SDR16C5: variants seen among roughly 807,000 people sequenced by gnomAD.
The protein encoded by SDR16C5 is epidermal retinol dehydrogenase 2.
SDR16C5 carries 20 observed loss-of-function variants against 27.7 expected under a neutral mutation model. That is an observed-to-expected ratio of 0.72 (90% CI 0.51 to 1.05). The LOEUF (loss-of-function observed/expected upper bound fraction) is 1.05, where lower values mean the gene tolerates loss of function less well. Among genes scored for constraint, SDR16C5 ranks in the 50% least tolerant of loss-of-function variants. The pLI, the probability that SDR16C5 is intolerant of heterozygous loss-of-function variation, is 0.00. For synonymous variants in SDR16C5, 139 were observed against 132.3 expected, an observed-to-expected ratio of 1.05 and a Z score of -0.35; for missense variants, 374 against 366.3, an observed-to-expected ratio of 1.02 and a Z score of -0.17.
At position 56,306,785 on chromosome 8, in the gene SDR16C5, C is replaced by T. The variant is rs1195672892; in HGVS notation, c.601G>A (p.Ala201Thr). Residue 201 changes from alanine to threonine, a missense_variant, in exon 5 of 7, where the codon GCT (alanine) becomes ACT (threonine). By Grantham distance (58) the Ala-to-Thr change is moderately conservative (BLOSUM62 0). Coordinates refer to ENST00000303749, the MANE Select transcript of SDR16C5 (RefSeq NM_138969.4). The stretch of plus-strand genomic sequence containing the variant: ...AATGTTTCTACAAATACAGATTCAG[C>T]AAACCCAAAGGCTGCAAATTTACTT... ...CASKFAAFGFAESVFVETFVQ... is the reference protein window; with the variant it reads ...CASKFAAFGFTESVFVETFVQ... 2 of 1,613,198 alleles carry T rather than the reference C, an allele frequency of 1.2e-6. No homozygotes were observed. The highest frequency in any genetic ancestry group is 1.7e-5 in the Admixed American group (1 of 59,864).
chr8:56,311,614 G>T (rs1366338934), intron 3 of SDR16C5, among the ~76,000 whole-genome samples: 1 of 152,074 alleles, frequency 6.6e-6, no homozygotes, highest in East Asian at 1.9e-4. Context: ...GGTAGCAGGT[G>T]GTAACCTGGG....
intron 2 of SDR16C5, among the ~76,000 whole-genome samples, chr8:56,312,840 G>C (rs939187249): frequency 6.8e-6 from 1 of 146,690 alleles, no homozygotes. Context: ...GCAGTGGCAC[G>C]ATCTTGGCTC....
At chr8:56,317,034 TA>T (rs375689989) in intron 1 of SDR16C5, among the ~76,000 whole-genome samples, 149 of 152,236 alleles carry the variant, frequency 9.8e-4, no homozygotes, top group Middle Eastern at 6.8e-3. Context: ...TCTGTGTGAT[TA>T]AAGGTCACAG....
intron 1 of SDR16C5, among the ~76,000 whole-genome samples, chr8:56,316,893 AT>A (rs1004076260): frequency 3.3e-5 from 5 of 152,226 alleles, no homozygotes; most frequent in Non-Finnish European, 7.3e-5. Flanking sequence ...GTAAAGTCCT[AT>A]TTGTAGAAAG....
intron 1 of SDR16C5, among the ~76,000 whole-genome samples, chr8:56,317,413 A>G (rs1296141636): frequency 2.0e-5 from 3 of 152,222 alleles, no homozygotes; most frequent in Non-Finnish European, 4.4e-5. Flanking sequence ...GTGCTTTACT[A>G]ACCACTAGCT....
chr8:56,302,594 AC>A (rs1168443602), intron 6 of SDR16C5, among the ~76,000 whole-genome samples: 2 of 148,360 alleles, frequency 1.3e-5, no homozygotes, highest in African/African-American at 5.0e-5. Flanking sequence ...AATCACTTGA[AC>A]CCGGGAGGTG....
intron 3 of SDR16C5, chr8:56,309,702 G>T: frequency 2.3e-6 from 1 of 436,940 alleles, no homozygotes; most frequent in Non-Finnish European, 3.0e-6. Context: ...TCTTACAAAG[G>T]CCAAACCTCA....
At position 56,301,751 on chromosome 8, in the gene SDR16C5, G is replaced by T. The variant is rs186491582; in HGVS notation, c.837-178C>A. Among the ~76,000 whole-genome samples, 61 of 152,258 alleles carry T rather than the reference G, an allele frequency of 4.0e-4. 1 individual carries two copies. The highest frequency in any genetic ancestry group is 7.9e-4 in the Non-Finnish European group (54 of 68,022). On this transcript the variant is annotated intron_variant, in intron 6 of 6. Coordinates refer to ENST00000303749, the MANE Select transcript of SDR16C5 (RefSeq NM_138969.4). ...CTGGGCCTTGTTCACTATATCCGGG[G>T]ACACTCGCCCAGGGCCTTGACAGGT... is the stretch of plus-strand genomic sequence containing the variant.
At chr8:56,318,429 A>G (rs1222321839) in intron 1 of SDR16C5, among the ~76,000 whole-genome samples, 1 of 152,198 alleles carries the variant, frequency 6.6e-6, no homozygotes, top group African/African-American at 2.4e-5. Context: ...TGGAGCCTGT[A>G]CCTGTGGATC....
intron 6 of SDR16C5, among the ~76,000 whole-genome samples, chr8:56,303,015 AC>A (rs756665040): frequency 5.4e-4 from 81 of 151,192 alleles, no homozygotes; most frequent in Non-Finnish European, 1.0e-3. Flanking sequence ...TAAAAAAAAA[AC>A]AACAACGTAA....
Position 56,300,410 on chromosome 8 carries a change from C to A in SDR16C5, c.*1070G>T, listed in dbSNP as rs1474714227. 1 of 152,294 alleles carries A rather than the reference C, an allele frequency of 6.6e-6. No homozygotes were observed. Among genetic ancestry groups the A allele is most frequent in the Non-Finnish European group, 1.5e-5 (1 of 68,028 alleles). The allele number at this position is 152,294 out of a possible 1,614,324, so 9.4% of individuals were successfully genotyped here. ...CTTGCTCCCCACAAGAGGGAAGAGA[C>A]AAAGGCTGCTGTTTCTCTTGCAAGG... On this transcript the variant is annotated 3_prime_UTR_variant, in exon 7 of 7. Coordinates refer to ENST00000303749, the MANE Select transcript of SDR16C5 (RefSeq NM_138969.4).
Position 56,306,726 on chromosome 8 carries a change from A to G in SDR16C5, c.660T>C (p.Ile220=). The G allele has an allele frequency of 6.2e-7, 1 of 1,613,970 alleles. No individual in the cohort carries two copies. Among genetic ancestry groups the G allele is most frequent in the Non-Finnish European group, 8.5e-7 (1 of 1,179,966 alleles). The change falls in exon 5 of 7, where the codon ATT becomes ATC. Residue 220 remains isoleucine (I), a synonymous_variant. Coordinates refer to ENST00000303749, the MANE Select transcript of SDR16C5 (RefSeq NM_138969.4). ...CAGTTTTTATAAAAAAGGGGCACAC[A>G]ATCGTGGTTTTGATCCCCTTTTGTT... The part of the protein sequence containing the change: ...VQKQKGIKTT[I]VCPFFIKTGM...
chr8:56,311,611 G>C (rs1296476650), intron 3 of SDR16C5, among the ~76,000 whole-genome samples: 2 of 152,150 alleles, frequency 1.3e-5, no homozygotes, highest in South Asian at 4.1e-4. Flanking sequence ...GCTGGTAGCA[G>C]GTGGTAACCT....
intron 4 of SDR16C5, among the ~76,000 whole-genome samples, chr8:56,307,532 G>A (rs992472463): frequency 6.6e-6 from 1 of 152,248 alleles, no homozygotes; most frequent in African/African-American, 2.4e-5. Flanking sequence ...CACATTCAGA[G>A]GAGGCATATT....
chr8:56,308,933 A>C lies in SDR16C5; in HGVS notation c.560T>G (p.Leu187Arg), dbSNP rs1563440429. ...AATTGCTATGTTTTTCTTACCTGCCAGCCCATTTACTCCACTTAATCCAGC... is the reference window on the plus strand; with the variant it reads ...AATTGCTATGTTTTTCTTACCTGCCCGCCCATTTACTCCACTTAATCCAGC... ...SSAGLSGVNGLADYCASKFAA... is the reference protein window; with the variant it reads ...SSAGLSGVNGRADYCASKFAA... The change falls in exon 4 of 7, where the codon CTG becomes CGG. Residue 187 changes from leucine to arginine, a missense_variant. Physicochemically the swap from Leu to Arg is moderately radical, Grantham distance 102. Transcript: ENST00000303749. 6.2e-7 allele frequency: 1 copy of C among 1,608,206 alleles called. No individual in the cohort carries two copies.
rs1422586601 is a variant in SDR16C5, at chr8:56,301,303, G to T, written c.*177C>A. 1 of 546,772 alleles carries T rather than the reference G, an allele frequency of 1.8e-6. No individual in the cohort carries two copies. 33.9% of individuals were successfully genotyped at this position (546,772 alleles called of 1,614,324 possible). A position where few individuals can be genotyped will look rare whatever the true frequency, so the allele number is the denominator to read the frequency against. ...AAAAAACCAAAACTCAACCAAATAGGTGATAGCAACATTATTTTCAAACAC... is the reference window on the plus strand; with the variant it reads ...AAAAAACCAAAACTCAACCAAATAGTTGATAGCAACATTATTTTCAAACAC... On this transcript the variant is annotated 3_prime_UTR_variant, in exon 7 of 7. Transcript: ENST00000303749.
chr8:56,306,872 T>A (rs1455185941), intron 4 of SDR16C5, 52 bp from the exon 5 acceptor site: 1 of 1,510,576 alleles, frequency 6.6e-7, no homozygotes, highest in South Asian at 1.2e-5. Context: ...AAAATGGCAT[T>A]ACATTAAGGT....
Position 56,306,796 on chromosome 8 carries a change from G to A in SDR16C5, c.590C>T (p.Ala197Val). 6.2e-7 allele frequency: 1 copy of A among 1,611,812 alleles called. No individual in the cohort carries two copies. Among genetic ancestry groups the A allele is most frequent in the Non-Finnish European group, 8.5e-7 (1 of 1,179,512 alleles). ...LADYCASKFA[A>V]FGFAESVFVE... ...AAATACAGATTCAGCAAACCCAAAG[G>A]CTGCAAATTTACTTGCACAGTAATC... Residue 197 changes from alanine (A) to valine (V), a missense_variant, in exon 5 of 7, where the codon GCC becomes GTC. Transcript: ENST00000303749.
chr8:56,302,689 A>T (rs1814787917), intron 6 of SDR16C5, among the ~76,000 whole-genome samples: 1 of 150,942 alleles, frequency 6.6e-6, no homozygotes, highest in Non-Finnish European at 1.5e-5. Context: ...AAAAAAAAAA[A>T]TTAAATCTCA....
Sources: gnomAD v4.1 joint callset for allele counts (sites outside exome capture counted in the v4.1 genomes callset) on GRCh38, gnomAD v4.1.1 for gene constraint, MANE v1.5 for transcripts, NCBI Gene and HGNC (gene_info 2026-07-23, HGNC 2026-07-21) for gene names.